The following GALNTL5 variants were observed in gnomAD, a reference collection of about 807,000 sequenced individuals.
GALNTL5 encodes polypeptide N-acetylgalactosaminyltransferase like 5.
GALNTL5 carries 44 observed loss-of-function variants against 51.0 expected under a neutral mutation model. The observed-to-expected ratio is 0.86, with a 90% CI of 0.68 to 1.11. GALNTL5 has a LOEUF of 1.11. Among genes scored for constraint, GALNTL5 ranks in the 50% least tolerant of loss-of-function variants. GALNTL5 has a pLI of 0.00. For synonymous variants in GALNTL5, 192 were observed against 182.8 expected (o/e 1.05, Z -0.41); for missense variants, 528 against 531.8 (o/e 0.99, Z 0.07).
rs145318235 is a variant in GALNTL5, at chr7:152,019,764, T to A, written c.1295T>A (p.Val432Asp). ...TCATTTCAGTGGTATTTGGATAATG[T>A]CTTCCCAGAGTTGGAGGCATCTGTG... Reference protein sequence around the residue: ...CKSFQWYLDNVFPELEASVNS... With the variant: ...CKSFQWYLDNDFPELEASVNS... The change falls in exon 9 of 9, where the codon GTC (valine) becomes GAC (aspartate). Residue 432 changes from valine to aspartate, a missense_variant. By Grantham distance (152) the Val-to-Asp change is radical. Coordinates refer to ENST00000392800, the MANE Select transcript of GALNTL5 (RefSeq NM_145292.4). 23 of 1,613,708 alleles carry A rather than the reference T, an allele frequency of 1.4e-5. No individual in the cohort carries two copies. In the East Asian group the frequency reaches 2.5e-4, roughly 17 times the overall value.
intron 3 of GALNTL5, among the ~76,000 whole-genome samples, chr7:151,975,078 A>C (rs1478306747): frequency 6.6e-6 from 1 of 152,142 alleles, no homozygotes; most frequent in Non-Finnish European, 1.5e-5. Context: ...TTTTTAAAAA[A>C]TGTAATTTGG....
chr7:152,012,771 AAC>A (rs2081754210), intron 7 of GALNTL5, among the ~76,000 whole-genome samples: 1 of 152,184 alleles, frequency 6.6e-6, no homozygotes. Flanking sequence ...GTTCATGACC[AAC>A]CTGGCCAACA....
intron 3 of GALNTL5, among the ~76,000 whole-genome samples, chr7:151,979,555 G>C (rs1433296911): frequency 3.3e-5 from 5 of 151,706 alleles, no homozygotes; most frequent in Non-Finnish European, 5.9e-5. Flanking sequence ...CACCTCCCGG[G>C]TTCAAGAGAT....
At chr7:152,002,574 C>T (rs2081594009) in intron 5 of GALNTL5, 140 bp from the exon 6 acceptor site, 1 of 801,596 alleles carries the variant, frequency 1.2e-6, no homozygotes, top group South Asian at 1.8e-5. Flanking sequence ...TTCTTGTTTC[C>T]TTCCAATGAA....
At chr7:151,967,853 A>G (rs1230370621) in intron 2 of GALNTL5, among the ~76,000 whole-genome samples, 2 of 152,052 alleles carry the variant, frequency 1.3e-5, no homozygotes, top group Admixed American at 1.3e-4. Context: ...ATGTCTTTCC[A>G]CTTCCTCTGT....
chr7:151,990,924 T>C (rs1268438120), intron 5 of GALNTL5, among the ~76,000 whole-genome samples: 5 of 152,178 alleles, frequency 3.3e-5, no homozygotes, highest in Non-Finnish European at 7.3e-5. Context: ...TCCATTGCAT[T>C]TGAGCCATTA....
chr7:151,994,975 T>A (rs1030559401), intron 5 of GALNTL5: 1 of 152,122 alleles, frequency 6.6e-6, no homozygotes, highest in East Asian at 1.9e-4. Context: ...GCCAGGATGG[T>A]CTCGATCTCC....
At chr7:152,002,523 A>G (rs995563680) in intron 5 of GALNTL5, among the ~76,000 whole-genome samples, 191 bp from the exon 6 acceptor site, 1 of 152,152 alleles carries the variant, frequency 6.6e-6, no homozygotes, top group African/African-American at 2.4e-5. Flanking sequence ...CTCAACATCT[A>G]TGGCACATGA....
At chr7:151,964,155 C>T (rs1200426925) in intron 1 of GALNTL5, among the ~76,000 whole-genome samples, 2 of 152,250 alleles carry the variant, frequency 1.3e-5, no homozygotes, top group South Asian at 2.1e-4. Flanking sequence ...CAAGCACCTG[C>T]CTGGGGACTC....
chr7:152,019,195 C>A (rs1387701752), intron 8 of GALNTL5, among the ~76,000 whole-genome samples: 1 of 152,208 alleles, frequency 6.6e-6, no homozygotes, highest in Non-Finnish European at 1.5e-5. Flanking sequence ...GTCACACAGA[C>A]CCTGAATGGC....
At chr7:151,959,551 G>T (rs2080966970) in intron 1 of GALNTL5, among the ~76,000 whole-genome samples, 2 of 152,216 alleles carry the variant, frequency 1.3e-5, no homozygotes, top group African/African-American at 4.8e-5. Context: ...TGTCCTGGGG[G>T]ATATTCCTGT....
At chr7:152,019,557 A>G (rs2081862869) in intron 8 of GALNTL5, 89 bp from the exon 9 acceptor site, 2 of 1,300,590 alleles carry the variant, frequency 1.5e-6, no homozygotes, top group Non-Finnish European at 2.1e-6. Flanking sequence ...CACATGATGA[A>G]AATACATGCG....
intron 5 of GALNTL5, among the ~76,000 whole-genome samples, chr7:151,992,803 A>C (rs2081444004): frequency 6.6e-6 from 1 of 151,914 alleles, no homozygotes; most frequent in South Asian, 2.1e-4. Context: ...TTATTTTGAA[A>C]ATTTTCAAAC....
chr7:151,969,627 A>T (rs183330046), intron 2 of GALNTL5, among the ~76,000 whole-genome samples: 45 of 152,084 alleles, frequency 3.0e-4, no homozygotes, highest in Admixed American at 2.7e-3. Context: ...TGATTGTTAG[A>T]CAGGGGCTTC....
intron 5 of GALNTL5, chr7:151,995,347 A>ATTTTTTTTTTTTTTTTTTTTTTTTT (rs1563017632): frequency 1.1e-5 from 1 of 90,978 alleles, no homozygotes; most frequent in African/African-American, 4.0e-5. Flanking sequence ...AGTTGGTATG[A>ATTTTTTTTTTTTTTTTTTTTTTTTT]ATTTTTTTTT....
In GALNTL5 at chr7:151,987,252, C is replaced by A. The variant is rs1434435791; in HGVS notation, c.629C>A (p.Ala210Glu). 2 of 1,592,528 alleles carry A rather than the reference C, an allele frequency of 1.3e-6. No homozygotes were observed. The highest frequency in any genetic ancestry group is 2.3e-5 in the East Asian group (1 of 43,986). Residue 210 changes from alanine (A) to glutamate (E), a missense_variant, in exon 5 of 9, where the codon GCA (alanine) becomes GAA (glutamate). Physicochemically the swap from Ala to Glu is moderately radical, Grantham distance 107. Transcript: ENST00000392800. ...RNKKREGLIR[A>E]RLIGASHASG... ...AAAAAGAGAGAGGGGCTGATTCGAG[C>A]AAGGCTGATTGGAGCTTCTCATGCT...
intron 3 of GALNTL5, among the ~76,000 whole-genome samples, chr7:151,979,228 G>C (rs2081246803): frequency 6.8e-6 from 1 of 146,550 alleles, no homozygotes; most frequent in South Asian, 2.2e-4. Context: ...TCCTTCCTCA[G>C]CCTCCCAAGT....
intron 3 of GALNTL5, among the ~76,000 whole-genome samples, chr7:151,972,945 C>A (rs1395597678): frequency 6.6e-6 from 1 of 152,144 alleles, no homozygotes; most frequent in East Asian, 1.9e-4. Flanking sequence ...AGAAGAGGAC[C>A]ACCTTCCTTC....
At chr7:151,999,338 A>G (rs984862120) in intron 5 of GALNTL5, among the ~76,000 whole-genome samples, 10 of 152,156 alleles carry the variant, frequency 6.6e-5, no homozygotes, top group African/African-American at 2.4e-4. Flanking sequence ...CCATGCACAT[A>G]TATACATTTG....
Sources: allele counts gnomAD v4.1 joint callset (sites outside exome capture counted in the v4.1 genomes callset), GRCh38; gene constraint gnomAD v4.1.1; transcripts MANE v1.5; gene names NCBI Gene and HGNC (gene_info 2026-07-23, HGNC 2026-07-21).